The following CNTNAP2 variants were observed in gnomAD, a reference collection of about 807,000 sequenced individuals.
CNTNAP2 encodes contactin associated protein 2.
A neutral mutation model predicts 155.2 loss-of-function variants in CNTNAP2; 98 were observed. The ratio of observed to expected loss-of-function variants is 0.63; its 90% CI spans 0.54 to 0.75. The LOEUF (loss-of-function observed/expected upper bound fraction) is 0.75. CNTNAP2 is among the 30% of genes least tolerant of loss of function. CNTNAP2 has a pLI of 0.00. For missense variants in CNTNAP2, 1,727 were observed against 1,688.1 expected (o/e 1.02, Z -0.40); for synonymous variants, 651 against 631.2 (o/e 1.03, Z -0.47).
chr7:147,506,483 G>A (rs553740479), intron 11 of CNTNAP2, among the ~76,000 whole-genome samples: 27 of 152,218 alleles, frequency 1.8e-4, no homozygotes, highest in East Asian at 5.8e-4. Context: ...TCAAAATCCC[G>A]ACCTCAGGCA....
chr7:147,978,241 A>C (rs1038843068), intron 15 of CNTNAP2: 11 of 504,992 alleles, frequency 2.2e-5, no homozygotes, highest in African/African-American at 1.7e-4. Flanking sequence ...TGACTACCTA[A>C]GTTTATGATG....
chr7:146,559,092 TCTA>T (rs1798242460), intron 1 of CNTNAP2, among the ~76,000 whole-genome samples: 1 of 152,084 alleles, frequency 6.6e-6, no homozygotes, highest in Non-Finnish European at 1.5e-5. Flanking sequence ...TATTTTGAGA[TCTA>T]CTGCACAGCA....
chr7:148,408,883 T>C (rs1799762939), intron 22 of CNTNAP2, among the ~76,000 whole-genome samples: 1 of 152,234 alleles, frequency 6.6e-6, no homozygotes, highest in African/African-American at 2.4e-5. Context: ...TTTGAATTAT[T>C]ACCCCCTTAC....
intron 1 of CNTNAP2, among the ~76,000 whole-genome samples, chr7:146,221,477 G>A (rs1045510775): frequency 6.6e-6 from 1 of 152,094 alleles, no homozygotes; most frequent in African/African-American, 2.4e-5. Flanking sequence ...TCAGATCCTT[G>A]TCTTAAACCA....
At chr7:147,185,569 A>T (rs1802547015) in intron 8 of CNTNAP2, among the ~76,000 whole-genome samples, 1 of 152,216 alleles carries the variant, frequency 6.6e-6, no homozygotes, top group South Asian at 2.1e-4. Flanking sequence ...AGACTGAATT[A>T]ACCACAACTA....
intron 1 of CNTNAP2, among the ~76,000 whole-genome samples, chr7:146,714,491 C>T (rs958542262): frequency 6.6e-6 from 1 of 152,150 alleles, no homozygotes; most frequent in Non-Finnish European, 1.5e-5. Flanking sequence ...CATATCTAAA[C>T]CTCAGGTGAG....
At chr7:147,813,870 T>A (rs539951352) in intron 13 of CNTNAP2, among the ~76,000 whole-genome samples, 47 of 152,282 alleles carry the variant, frequency 3.1e-4, no homozygotes, top group African/African-American at 1.1e-3. Flanking sequence ...TAATTCACCC[T>A]CTCTTCGTTT....
Position 147,775,677 on chromosome 7 carries a change from C to T in CNTNAP2, c.2099-127888C>T, listed in dbSNP as rs567132190. On this transcript the variant is annotated intron_variant, in intron 13 of 23. Coordinates refer to ENST00000361727, the MANE Select transcript of CNTNAP2 (RefSeq NM_014141.6). ...GATGTAACAGCATGACACAGCTGCT[C>T]AAAAGCTATTATGAGCCTAGGCTGA... 3.3e-5 allele frequency among the ~76,000 whole-genome samples: 5 copies of T among 151,730 alleles called. No homozygotes were observed. In the South Asian group the frequency reaches 1.0e-3, roughly 32 times the overall value.
chr7:146,303,620 T>C (rs1800654206), intron 1 of CNTNAP2, among the ~76,000 whole-genome samples: 1 of 152,158 alleles, frequency 6.6e-6, no homozygotes, highest in South Asian at 2.1e-4. Flanking sequence ...TTGATTGCAC[T>C]GTGGTCTGAG....
At chr7:148,386,961 G>GTGA (rs1216357288) in intron 22 of CNTNAP2, among the ~76,000 whole-genome samples, 2 of 152,190 alleles carry the variant, frequency 1.3e-5, no homozygotes, top group African/African-American at 4.8e-5. Context: ...TAAAGAGTTT[G>GTGA]TGATAGTGCT....
chr7:147,397,885 G>T (rs962361751), intron 10 of CNTNAP2, among the ~76,000 whole-genome samples: 1 of 151,580 alleles, frequency 6.6e-6, no homozygotes, highest in Non-Finnish European at 1.5e-5. Context: ...CAAATGAAAA[G>T]ATTAGCTGCA....
intron 3 of CNTNAP2, among the ~76,000 whole-genome samples, chr7:147,003,740 C>G (rs888404042): frequency 6.6e-6 from 1 of 151,888 alleles, no homozygotes; most frequent in African/African-American, 2.4e-5. Context: ...TGCCATTTAA[C>G]TGGTTGGGTG....
chr7:146,902,593 G>A (rs1262343215), intron 3 of CNTNAP2, among the ~76,000 whole-genome samples: 1 of 152,162 alleles, frequency 6.6e-6, no homozygotes, highest in African/African-American at 2.4e-5. Context: ...AACCACCTGT[G>A]GCTTTCATCA....
intron 21 of CNTNAP2, among the ~76,000 whole-genome samples, chr7:148,301,617 T>C (rs1797393455): frequency 6.6e-6 from 1 of 152,204 alleles, no homozygotes; most frequent in African/African-American, 2.4e-5. Context: ...AAGGAATATG[T>C]ATTCCCTTGA....
intron 11 of CNTNAP2, among the ~76,000 whole-genome samples, chr7:147,498,719 G>A (rs1919191): frequency 0.29 from 43,612 of 152,088 alleles, 6,383 homozygotes; most frequent in East Asian, 0.43. Flanking sequence ...TAAAGCCCAA[G>A]TAATCTCTTT....
rs1017715989 is a variant in CNTNAP2, at chr7:146,116,915, C to G, written c.39C>G (p.Leu13=). 7 of 1,550,992 alleles carry G rather than the reference C, an allele frequency of 4.5e-6. No homozygotes were observed. The African/African-American group carries it at 6.8e-5, about 15-fold the overall frequency. Reference sequence around the variant, plus strand: ...CGCGCGCCGGCTGCGGGGCAGCGCTCCTGCTGTGGATTGTCAGCAGCTGCC... The same window carrying G: ...CGCGCGCCGGCTGCGGGGCAGCGCTGCTGCTGTGGATTGTCAGCAGCTGCC... ...AAPRAGCGAA[L]LLWIVSSCLC... is the part of the protein sequence containing the mutation. Residue 13 remains leucine, a synonymous_variant, in exon 1 of 24, where the codon CTC becomes CTG. Transcript: ENST00000361727. This position sits in a 1 kb window ranked among gnomAD's most constrained non-coding sequence, Gnocchi z 5.5.
intron 13 of CNTNAP2, among the ~76,000 whole-genome samples, chr7:147,734,932 G>A (rs1027161917): frequency 2.2e-4 from 33 of 150,870 alleles, no homozygotes; most frequent in South Asian, 1.7e-3. Flanking sequence ...TCTTGCTAGC[G>A]GTCTATCAAT....
chr7:147,745,131 C>A (rs146979734), intron 13 of CNTNAP2, among the ~76,000 whole-genome samples: 1 of 152,298 alleles, frequency 6.6e-6, no homozygotes, highest in East Asian at 1.9e-4. Context: ...AATCTTCCTT[C>A]TGCAGTGAAA....
intron 1 of CNTNAP2, among the ~76,000 whole-genome samples, chr7:146,672,468 G>A (rs926340641): frequency 6.6e-6 from 1 of 152,166 alleles, no homozygotes; most frequent in African/African-American, 2.4e-5. Flanking sequence ...CTCTGCATCT[G>A]CATGCATTCT....
Sources: allele counts gnomAD v4.1 joint callset (sites outside exome capture counted in the v4.1 genomes callset), GRCh38; gene constraint gnomAD v4.1.1; non-coding constraint Gnocchi (gnomAD v3.1); transcripts MANE v1.5; gene names NCBI Gene and HGNC (gene_info 2026-07-23, HGNC 2026-07-21).